Variants in TENM2 observed in about 807,000 individuals in gnomAD.
TENM2 encodes the protein teneurin transmembrane protein 2.
A neutral mutation model predicts 245.2 loss-of-function variants in TENM2; 52 were observed. That is an observed-to-expected ratio of 0.21 (90% CI 0.17 to 0.27). TENM2 has a LOEUF of 0.27. Ranked by LOEUF, TENM2 falls within the 10% of genes least tolerant of loss-of-function variation. TENM2 has a pLI of 1.00. For synonymous variants in TENM2, 1,363 were observed against 1,438.9 expected, an observed-to-expected ratio of 0.95 and a Z score of 1.19; for missense variants, 3,046 against 3,666.8, an observed-to-expected ratio of 0.83 and a Z score of 4.37.
At chr5:167,582,260 C>CT (rs1230061227) in intron 2 of TENM2, among the ~76,000 whole-genome samples, 6 of 152,086 alleles carry the variant, frequency 3.9e-5, no homozygotes, top group African/African-American at 1.2e-4. Context: ...TGTCAACCTG[C>CT]TTAGTATTAA....
the TENM2 span, among the ~76,000 whole-genome samples, chr5:167,015,369 C>A: frequency 6.6e-6 from 1 of 152,148 alleles, no homozygotes; most frequent in Non-Finnish European, 1.5e-5. Flanking sequence ...AGTAAAATTT[C>A]TTTGCCTAAT....
At chr5:167,876,962 C>T (rs1388335041) in intron 3 of TENM2, among the ~76,000 whole-genome samples, 2 of 152,126 alleles carry the variant, frequency 1.3e-5, no homozygotes, top group Non-Finnish European at 2.9e-5. Flanking sequence ...CTGGGCCCAG[C>T]GATAATCATG....
At chr5:167,063,629 T>G in the TENM2 span, among the ~76,000 whole-genome samples, 1 of 152,218 alleles carries the variant, frequency 6.6e-6, no homozygotes, top group Non-Finnish European at 1.5e-5. Flanking sequence ...ATATTTGAAC[T>G]ACAGCCAACA....
At chr5:167,321,293 TGG>T (rs1330326045) in intron 1 of TENM2, among the ~76,000 whole-genome samples, 1 of 152,164 alleles carries the variant, frequency 6.6e-6, no homozygotes, top group Non-Finnish European at 1.5e-5. Context: ...TAGGGCATTT[TGG>T]GGCTGTTCAG....
rs1425021969 is a variant in TENM2, at chr5:167,509,180, C to T, written c.502+133707C>T. 3.3e-5 allele frequency among the ~76,000 whole-genome samples: 5 copies of T among 152,278 alleles called. No homozygotes were observed. In the East Asian group the frequency reaches 9.6e-4, roughly 29 times the overall value. Reference sequence around the variant, plus strand: ...GACAAATAAAAGTCATTCTTCTTGTCTATATTTTTGTTACCTCAGGGGATT... The same window carrying T: ...GACAAATAAAAGTCATTCTTCTTGTTTATATTTTTGTTACCTCAGGGGATT... On this transcript the variant is annotated intron_variant, in intron 2 of 28. Coordinates refer to ENST00000518659, the Ensembl canonical transcript of TENM2.
chr5:168,189,818 G>C (rs1760788733), intron 13 of TENM2, among the ~76,000 whole-genome samples: 1 of 152,090 alleles, frequency 6.6e-6, no homozygotes, highest in Admixed American at 6.5e-5. Context: ...ATGTTGCCCA[G>C]GTTGGTCTCG....
intron 12 of TENM2, among the ~76,000 whole-genome samples, chr5:168,131,436 G>A (rs762102568): frequency 2.6e-5 from 4 of 152,190 alleles, no homozygotes; most frequent in African/African-American, 9.7e-5. Flanking sequence ...TCTTTTCCCT[G>A]TATCGCACTG....
chr5:168,103,399 G>T (rs1416944120), intron 9 of TENM2, among the ~76,000 whole-genome samples: 1 of 152,064 alleles, frequency 6.6e-6, no homozygotes, highest in Non-Finnish European at 1.5e-5. Context: ...TCCTAACTTT[G>T]CCCTTTCTTT....
chr5:167,872,339 AAAGAAAGAAAGAAAGGAAAGAGAAG>A (rs1371682690), intron 2 of TENM2, among the ~76,000 whole-genome samples: 68 of 141,172 alleles, frequency 4.8e-4, no homozygotes, highest in African/African-American at 1.7e-3. Context: ...AGAAAGAAAG[AAAGAAAGAAAGAAAGGAAAGAGAAG>A]GAAGGAAGGA....
the TENM2 span, among the ~76,000 whole-genome samples, chr5:166,983,680 G>T: frequency 6.6e-6 from 1 of 152,050 alleles, no homozygotes; most frequent in Non-Finnish European, 1.5e-5. Context: ...GCTCTTGCCA[G>T]AATATTCGTG....
At chr5:167,767,995 C>T (rs1763151676) in intron 2 of TENM2, among the ~76,000 whole-genome samples, 1 of 152,152 alleles carries the variant, frequency 6.6e-6, no homozygotes, top group Admixed American at 6.5e-5. Context: ...GTCATATGCT[C>T]AGTGTGAACG....
intron 2 of TENM2, among the ~76,000 whole-genome samples, chr5:167,701,308 A>G (rs974008116): frequency 5.0e-4 from 76 of 152,166 alleles, no homozygotes; most frequent in African/African-American, 1.8e-3. Context: ...CTAAATATGT[A>G]TGAACATGAA....
the TENM2 span, among the ~76,000 whole-genome samples, chr5:167,174,772 C>A: frequency 6.6e-6 from 1 of 152,070 alleles, no homozygotes; most frequent in Non-Finnish European, 1.5e-5. Flanking sequence ...ACTTACCGTC[C>A]TAGATAATTA....
At chr5:168,115,365 G>T (rs1171379920) in intron 9 of TENM2, among the ~76,000 whole-genome samples, 2 of 76,706 alleles carry the variant, frequency 2.6e-5, no homozygotes, top group Non-Finnish European at 5.3e-5. Flanking sequence ...GGAAGGGAAG[G>T]AAGGAAGGAA....
At chr5:168,028,469 A>C (rs922927144) in intron 5 of TENM2, among the ~76,000 whole-genome samples, 11 of 152,124 alleles carry the variant, frequency 7.2e-5, no homozygotes, top group Admixed American at 7.2e-4. Flanking sequence ...TTCTCCCCAA[A>C]GAACTCTACT....
At chr5:167,724,202 C>T (rs573093379) in intron 2 of TENM2, among the ~76,000 whole-genome samples, 2 of 152,098 alleles carry the variant, frequency 1.3e-5, no homozygotes, top group Non-Finnish European at 2.9e-5. Context: ...GTAGTACACC[C>T]GTTAGGCCTC....
chr5:167,664,027 G>T (rs1334751241), intron 2 of TENM2, among the ~76,000 whole-genome samples: 2 of 152,126 alleles, frequency 1.3e-5, no homozygotes, highest in African/African-American at 2.4e-5. Context: ...ATGAACACCT[G>T]TCTCTTGTTC....
At chr5:168,088,140 G>GC (rs1294106778) in intron 7 of TENM2, 1 of 152,134 alleles carries the variant, frequency 6.6e-6, no homozygotes, top group Non-Finnish European at 1.5e-5. Flanking sequence ...ATGAGCAATG[G>GC]CCCCACACAA....
At chr5:167,289,886 G>T (rs753895430) in intron 1 of TENM2, among the ~76,000 whole-genome samples, 19 of 152,046 alleles carry the variant, frequency 1.2e-4, no homozygotes, top group Non-Finnish European at 2.6e-4. Context: ...TAATTAAAAG[G>T]TTCTAGTTTG....
Sources: allele counts gnomAD v4.1 joint callset (sites outside exome capture counted in the v4.1 genomes callset), GRCh38; gene constraint gnomAD v4.1.1; transcripts MANE v1.5; gene names NCBI Gene and HGNC (gene_info 2026-07-23, HGNC 2026-07-21).